RAB28: variants seen among roughly 807,000 people sequenced by gnomAD.
RAB28 encodes the protein ras-related protein Rab-28.
Under a neutral mutation model 31.7 loss-of-function variants are expected in RAB28, and 24 were observed. The observed-to-expected ratio is 0.76, with a 90% confidence interval of 0.55 to 1.06. The LOEUF (loss-of-function observed/expected upper bound fraction) is 1.06. RAB28 is among the 50% of genes least tolerant of loss of function. The pLI, the probability that RAB28 is intolerant of heterozygous loss-of-function variation, is 0.00. For synonymous variants in RAB28, 100 were observed against 90.4 expected, an observed-to-expected ratio of 1.11 and a Z score of -0.60; for missense variants, 254 against 258.5, an observed-to-expected ratio of 0.98 and a Z score of 0.12.
At position 13,456,178 on chromosome 4, in the gene RAB28, C is replaced by T. The variant is rs184234188; in HGVS notation, c.391+4521G>A. On this transcript the variant is annotated intron_variant, in intron 4 of 6. Coordinates refer to ENST00000330852, the MANE Select transcript of RAB28 (RefSeq NM_001017979.3). ...TCAAAAATGTTCAGTGAAAGAATGG[C>T]CCTACCCAACACATAATATAAGAAC... Among the ~76,000 whole-genome samples the T allele has an allele frequency of 3.3e-5, 5 of 152,204 alleles. No homozygotes were observed. The East Asian group carries it at 5.8e-4, about 18-fold the overall frequency.
intron 3 of RAB28, 170 bp downstream of exon 3, chr4:13,474,148 T>C (rs1305291610): frequency 1.4e-6 from 1 of 738,852 alleles, no homozygotes; most frequent in East Asian, 2.5e-5. Context: ...CCAAACATAA[T>C]TAGGAGAGCA....
intron 4 of RAB28, among the ~76,000 whole-genome samples, chr4:13,415,637 T>C (rs888249339): frequency 9.2e-5 from 14 of 152,254 alleles, no homozygotes; most frequent in Admixed American, 4.6e-4. Flanking sequence ...CAGCCCGCCA[T>C]GCCTGAGCCT....
intron 4 of RAB28, among the ~76,000 whole-genome samples, chr4:13,383,131 T>G (rs889576766): frequency 2.0e-5 from 3 of 152,304 alleles, no homozygotes; most frequent in Admixed American, 1.3e-4. Context: ...TGTGGAAGAC[T>G]AAAATACTAA....
intron 6 of RAB28, chr4:13,370,956 A>G: frequency 1.0e-6 from 1 of 980,620 alleles, no homozygotes; most frequent in Non-Finnish European, 1.2e-6. Context: ...TGTTACCCAA[A>G]TATTTTAGAT....
At chr4:13,459,072 T>A (rs1054585225) in intron 4 of RAB28, among the ~76,000 whole-genome samples, 1 of 152,138 alleles carries the variant, frequency 6.6e-6, no homozygotes, top group Admixed American at 6.5e-5. Context: ...ATTTGCTGAG[T>A]CTTCCGGCCT....
Position 13,376,639 on chromosome 4 carries a change from G to C in RAB28, c.496-17C>G, listed in dbSNP as rs370533140. ...CAGGAAGACCTACATAACAAAAATG[G>C]GTTTAAATGATTTAAAAGAGGCATG... is the stretch of plus-strand genomic sequence containing the variant. On this transcript the variant is annotated splice_polypyrimidine_tract_variant and intron_variant, in intron 5 of 6. Transcript: ENST00000330852. The C allele has an allele frequency of 6.4e-7, 1 of 1,551,500 alleles. No individual in the cohort carries two copies. Among genetic ancestry groups the C allele is most frequent in the Non-Finnish European group, 8.7e-7 (1 of 1,145,862 alleles).
At chr4:13,416,533 T>A (rs535815678) in intron 4 of RAB28, among the ~76,000 whole-genome samples, 1 of 152,100 alleles carries the variant, frequency 6.6e-6, no homozygotes, top group African/African-American at 2.4e-5. Flanking sequence ...TCTAAGAGAA[T>A]AGAAATACAG....
At chr4:13,395,312 A>G (rs1729827250) in intron 4 of RAB28, among the ~76,000 whole-genome samples, 3 of 152,136 alleles carry the variant, frequency 2.0e-5, no homozygotes, top group Non-Finnish European at 4.4e-5. Context: ...TTGCCTCATC[A>G]CTTGATTACA....
chr4:13,417,155 G>A (rs546303925), intron 4 of RAB28, among the ~76,000 whole-genome samples: 3 of 152,182 alleles, frequency 2.0e-5, no homozygotes, highest in East Asian at 3.8e-4. Context: ...GTCTGCGATC[G>A]ACCTGTGAGG....
intron 6 of RAB28, chr4:13,370,769 G>T (rs1728684951): frequency 3.0e-6 from 3 of 983,930 alleles, no homozygotes; most frequent in South Asian, 9.4e-5. Context: ...GCAGTTGCAG[G>T]TCATGTAAAA....
At chr4:13,438,122 C>T (rs973757592) in intron 4 of RAB28, among the ~76,000 whole-genome samples, 6 of 152,110 alleles carry the variant, frequency 3.9e-5, no homozygotes, top group African/African-American at 9.7e-5. Context: ...AGAGGATCTT[C>T]GAGTTTCGTA....
chr4:13,389,684 A>G (rs1253864747), intron 4 of RAB28, among the ~76,000 whole-genome samples: 1 of 151,920 alleles, frequency 6.6e-6, no homozygotes, highest in Non-Finnish European at 1.5e-5. Context: ...ATATATCACT[A>G]CATGCATAGA....
intron 4 of RAB28, among the ~76,000 whole-genome samples, chr4:13,385,637 G>A (rs964748164): frequency 6.6e-6 from 1 of 152,086 alleles, no homozygotes; most frequent in Admixed American, 6.5e-5. Context: ...AAATGCTCAG[G>A]GAATTCTTAG....
intron 4 of RAB28, among the ~76,000 whole-genome samples, chr4:13,385,604 A>T (rs1729334617): frequency 6.6e-6 from 1 of 152,156 alleles, no homozygotes; most frequent in Admixed American, 6.5e-5. Flanking sequence ...GCAAAAAAGA[A>T]ATAAGATCCT....
chr4:13,376,990 C>T (rs980640722), intron 5 of RAB28, among the ~76,000 whole-genome samples: 1 of 152,132 alleles, frequency 6.6e-6, no homozygotes, highest in African/African-American at 2.4e-5. Flanking sequence ...ACTTTACCAA[C>T]CTAGTTTTTC....
At chr4:13,390,786 C>G (rs1467693673) in intron 4 of RAB28, among the ~76,000 whole-genome samples, 1 of 152,014 alleles carries the variant, frequency 6.6e-6, no homozygotes, top group Admixed American at 6.6e-5. Flanking sequence ...ACAAACCTGA[C>G]AAAAACAAGC....
At chr4:13,424,524 C>G (rs1056001812) in intron 4 of RAB28, among the ~76,000 whole-genome samples, 1 of 152,146 alleles carries the variant, frequency 6.6e-6, no homozygotes, top group Non-Finnish European at 1.5e-5. Context: ...TGCAGAGACC[C>G]TAATTCTAAA....
At chr4:13,413,995 A>G (rs1403223841) in intron 4 of RAB28, among the ~76,000 whole-genome samples, 1 of 152,180 alleles carries the variant, frequency 6.6e-6, no homozygotes, top group Non-Finnish European at 1.5e-5. Context: ...GCATATGACA[A>G]TGACACATGG....
At chr4:13,408,618 C>G (rs1015241585) in intron 4 of RAB28, among the ~76,000 whole-genome samples, 1 of 151,574 alleles carries the variant, frequency 6.6e-6, no homozygotes, top group East Asian at 1.9e-4. Context: ...GAAAAAAAAG[C>G]GGGCTAAAAT....
Sources: gnomAD v4.1 joint callset for allele counts (sites outside exome capture counted in the v4.1 genomes callset) on GRCh38, gnomAD v4.1.1 for gene constraint, MANE v1.5 for transcripts, NCBI Gene and HGNC (gene_info 2026-07-23, HGNC 2026-07-21) for gene names.